The following PLPP4 variants were observed in gnomAD, a reference collection of about 807,000 sequenced individuals.
The protein encoded by PLPP4 is diacylglycerol pyrophosphate like 2.
A neutral mutation model predicts 32.2 loss-of-function variants in PLPP4; 20 were observed. The ratio of observed to expected loss-of-function variants is 0.62; its 90% CI spans 0.44 to 0.90. The LOEUF is 0.90. PLPP4 is among the 40% of genes least tolerant of loss of function. PLPP4 has a pLI of 0.00. For missense variants in PLPP4, 257 were observed against 353.1 expected, an observed-to-expected ratio of 0.73 and a Z score of 2.18; for synonymous variants, 127 against 133.0, an observed-to-expected ratio of 0.95 and a Z score of 0.31.
intron 1 of PLPP4, among the ~76,000 whole-genome samples, chr10:120,482,919 G>A (rs1844275293): frequency 6.6e-6 from 1 of 152,004 alleles, no homozygotes; most frequent in Non-Finnish European, 1.5e-5. Context: ...ATTATTCCTG[G>A]GTGTGTCTGT....
chr10:120,514,900 G>C (rs992928535), intron 3 of PLPP4, among the ~76,000 whole-genome samples: 4 of 152,156 alleles, frequency 2.6e-5, no homozygotes, highest in African/African-American at 9.7e-5. Flanking sequence ...TAGTAAGTCT[G>C]GAAAATGAGA....
intron 6 of PLPP4, among the ~76,000 whole-genome samples, chr10:120,586,717 G>A (rs1269006279): frequency 6.6e-6 from 1 of 152,184 alleles, no homozygotes. Context: ...CCAAGGTGCT[G>A]AAGGAATCAA....
At chr10:120,521,990 T>C (rs1357449692) in intron 5 of PLPP4, among the ~76,000 whole-genome samples, 1 of 152,184 alleles carries the variant, frequency 6.6e-6, no homozygotes, top group Non-Finnish European at 1.5e-5. Flanking sequence ...TCATATTGCA[T>C]GGGGGATGCA....
At position 120,570,595 on chromosome 10, in the gene PLPP4, A is replaced by T. The variant is rs188010838; in HGVS notation, c.446-4536A>T. On this transcript the variant is annotated intron_variant, in intron 5 of 6. Transcript: ENST00000398250. ...TGGTGCCAGTTTTGTGTTTCTTGTAATCAGTAGGGTCCAAAGATTTTCCGC... is the reference window on the plus strand; with the variant it reads ...TGGTGCCAGTTTTGTGTTTCTTGTATTCAGTAGGGTCCAAAGATTTTCCGC... Among the ~76,000 whole-genome samples the T allele has an allele frequency of 2.4e-3, 369 of 152,212 alleles. 7 individuals carry two copies. The highest frequency in any genetic ancestry group is 8.4e-3 in the African/African-American group (348 of 41,538).
intron 5 of PLPP4, among the ~76,000 whole-genome samples, chr10:120,563,521 C>T (rs892265553): frequency 4.0e-4 from 60 of 149,558 alleles, no homozygotes; most frequent in African/African-American, 1.5e-3. Context: ...GAATTTTAGG[C>T]CGGGCGCGGT....
intron 1 of PLPP4, among the ~76,000 whole-genome samples, chr10:120,494,673 G>A (rs138777942): frequency 3.9e-5 from 6 of 152,262 alleles, no homozygotes; most frequent in South Asian, 2.1e-4. Flanking sequence ...GGTGAGGGGT[G>A]GATTATTTGA....
rs1365954333 is a variant in PLPP4 at position 120,590,650 on chromosome 10, T to G, written c.*1148T>G. Among the ~76,000 whole-genome samples, 1 of 152,142 alleles carries G rather than the reference T, an allele frequency of 6.6e-6. No homozygotes were observed. The highest frequency in any genetic ancestry group is 1.5e-5 in the Non-Finnish European group (1 of 68,034). The stretch of plus-strand genomic sequence containing the variant: ...GCACGCTGCTCCTTGGCCAGCTAGT[T>G]TTTTCAAGGCAAGGAGCATCCCCTT... On this transcript the variant is annotated 3_prime_UTR_variant, in exon 7 of 7. Transcript: ENST00000398250.
Position 120,457,373 on chromosome 10 carries a change from C to T in PLPP4, c.56+12C>T. Reference sequence around the variant, plus strand: ...TTCGGAGTCTTCGTGTAAGTAGTGGCGCACCGCGGGCAGGGCGCACTGACG... The same window carrying T: ...TTCGGAGTCTTCGTGTAAGTAGTGGTGCACCGCGGGCAGGGCGCACTGACG... On this transcript the variant is annotated intron_variant, in intron 1 of 6. Transcript: ENST00000398250. 5 of 1,529,194 alleles carry T rather than the reference C, an allele frequency of 3.3e-6. No individual in the cohort carries two copies. Among genetic ancestry groups the T allele is most frequent in the Middle Eastern group, 1.7e-4 (1 of 5,954 alleles). 94.7% of individuals were successfully genotyped at this position (1,529,194 alleles called of 1,614,324 possible). A position where few individuals can be genotyped will look rare whatever the true frequency, so the allele number is the denominator to read the frequency against.
chr10:120,470,620 T>C (rs980821575), intron 1 of PLPP4, among the ~76,000 whole-genome samples: 6 of 152,362 alleles, frequency 3.9e-5, no homozygotes, highest in Admixed American at 3.9e-4. Flanking sequence ...AAATGGTTTG[T>C]CGGTTATGGA....
chr10:120,497,533 C>T (rs1845027290), intron 1 of PLPP4, among the ~76,000 whole-genome samples: 1 of 152,066 alleles, frequency 6.6e-6, no homozygotes, highest in South Asian at 2.1e-4. Flanking sequence ...CTGAACCACA[C>T]ATGAACAATG....
intron 5 of PLPP4, among the ~76,000 whole-genome samples, chr10:120,551,989 T>G (rs1342102302): frequency 1.3e-5 from 2 of 152,178 alleles, no homozygotes; most frequent in African/African-American, 4.8e-5. Flanking sequence ...GTAAATTCCA[T>G]AAGGCCAAAA....
At chr10:120,563,126 C>G (rs12415814) in intron 5 of PLPP4, among the ~76,000 whole-genome samples, 34,147 of 152,082 alleles carry the variant, frequency 0.22, 3,869 homozygotes, top group Admixed American at 0.25. Flanking sequence ...ATAATCCCAG[C>G]TAGTTGAGAG....
intron 2 of PLPP4, among the ~76,000 whole-genome samples, chr10:120,510,542 C>T (rs562864670): frequency 8.5e-5 from 13 of 152,308 alleles, no homozygotes; most frequent in East Asian, 1.9e-4. Context: ...TCCCCTGGCT[C>T]GGGCAGCAGA....
chr10:120,568,316 G>C (rs919193083), intron 5 of PLPP4, among the ~76,000 whole-genome samples: 1 of 152,232 alleles, frequency 6.6e-6, no homozygotes, highest in African/African-American at 2.4e-5. Context: ...GCCAGCAGCA[G>C]GTTAGAAGGG....
chr10:120,567,277 C>T (rs1193259934), intron 5 of PLPP4, among the ~76,000 whole-genome samples: 1 of 152,172 alleles, frequency 6.6e-6, no homozygotes, highest in Non-Finnish European at 1.5e-5. Context: ...AAGAAATAGA[C>T]ATGTCTGGGT....
At chr10:120,496,961 G>C (rs1423551807) in intron 1 of PLPP4, among the ~76,000 whole-genome samples, 1 of 151,618 alleles carries the variant, frequency 6.6e-6, no homozygotes, top group Non-Finnish European at 1.5e-5. Flanking sequence ...GCATATGTGA[G>C]TGTAGTTTTT....
chr10:120,560,327 T>G, intron 5 of PLPP4, among the ~76,000 whole-genome samples: 1 of 58,356 alleles, frequency 1.7e-5, no homozygotes, highest in African/African-American at 4.6e-5. Flanking sequence ...TAAGGACCAT[T>G]GCAAAAAAAA....
intron 1 of PLPP4, among the ~76,000 whole-genome samples, chr10:120,494,241 C>T (rs1844858181): frequency 6.6e-6 from 1 of 152,188 alleles, no homozygotes; most frequent in Non-Finnish European, 1.5e-5. Context: ...ACTATGTGTA[C>T]TCATCCTCAT....
intron 1 of PLPP4, among the ~76,000 whole-genome samples, chr10:120,488,509 G>A (rs1844563007): frequency 1.3e-5 from 2 of 152,324 alleles, no homozygotes; most frequent in African/African-American, 4.8e-5. Flanking sequence ...TTGCCATACT[G>A]CAAGTGCATG....
Sources: allele counts gnomAD v4.1 joint callset (sites outside exome capture counted in the v4.1 genomes callset), GRCh38; gene constraint gnomAD v4.1.1; transcripts MANE v1.5; gene names NCBI Gene and HGNC (gene_info 2026-07-23, HGNC 2026-07-21).